SHISA9: variants seen among roughly 807,000 people sequenced by gnomAD.
The protein encoded by SHISA9 is shisa family member 9.
Under a neutral mutation model 38.0 loss-of-function variants are expected in SHISA9, and 13 were observed. The ratio of observed to expected loss-of-function variants is 0.34; its 90% CI spans 0.22 to 0.54. SHISA9 has a LOEUF of 0.54. Ranked by LOEUF, SHISA9 falls within the 20% of genes least tolerant of loss-of-function variation. SHISA9 has a pLI of 0.91. For synonymous variants in SHISA9, 275 were observed against 242.0 expected (o/e 1.14, Z -1.27); for missense variants, 538 against 575.8 (o/e 0.93, Z 0.67).
chr16:13,242,656 A>G (rs902695450), downstream of SHISA9, among the ~76,000 whole-genome samples: 2 of 152,170 alleles, frequency 1.3e-5, no homozygotes, highest in East Asian at 1.9e-4. Context: ...CCTTGAAACT[A>G]TCCTTTCCTG....
the SHISA9 span, among the ~76,000 whole-genome samples, chr16:13,469,381 G>GAAAAGAA: frequency 1.5e-3 from 151 of 100,206 alleles, 1 homozygote; most frequent in South Asian, 3.3e-3. Flanking sequence ...AAGAAAGAAA[G>GAAAAGAA]AAAGAAAGAA....
chr16:13,493,204 C>T, the SHISA9 span, among the ~76,000 whole-genome samples: 24 of 148,054 alleles, frequency 1.6e-4, no homozygotes, highest in Admixed American at 1.0e-3. Context: ...TGAAGTGTTT[C>T]AGAAATGACA....
rs114505608 is a variant in SHISA9, at chr16:13,225,042, C to T, written c.896-9988C>T. Among the ~76,000 whole-genome samples the T allele has an allele frequency of 2.7e-3, 417 of 152,148 alleles. 3 individuals are homozygous for T. The highest frequency in any genetic ancestry group is 9.7e-3 in the African/African-American group (402 of 41,516). ...TGAGGATATATTGAATTAATGTGGG[C>T]CCTAATCCTGTGGCTGATATCCTTA... On this transcript the variant is annotated intron_variant, in intron 4 of 4. Coordinates refer to ENST00000558583, the MANE Select transcript of SHISA9 (RefSeq NM_001145204.3).
chr16:13,079,818 A>G (rs2073626723), intron 2 of SHISA9, among the ~76,000 whole-genome samples: 1 of 151,856 alleles, frequency 6.6e-6, no homozygotes, highest in South Asian at 2.1e-4. Flanking sequence ...CTGGGACAAA[A>G]CTCTTATGTA....
Position 13,210,858 on chromosome 16 carries a change from C to T in SHISA9, c.848-2395C>T, listed in dbSNP as rs182373506. The stretch of plus-strand genomic sequence containing the variant: ...GCTTGACTTGGAATCCTATGTTCTT[C>T]CCATGAAACTATGCTGTCTTCTGCA... On this transcript the variant is annotated intron_variant, in intron 3 of 4. Coordinates refer to ENST00000558583, the MANE Select transcript of SHISA9 (RefSeq NM_001145204.3). Among the ~76,000 whole-genome samples, 198 of 152,310 alleles carry T rather than the reference C, an allele frequency of 1.3e-3. 1 individual carries two copies. The highest frequency in any genetic ancestry group is 4.6e-3 in the African/African-American group (192 of 41,568).
chr16:13,082,833 G>A (rs1295404081), intron 2 of SHISA9, among the ~76,000 whole-genome samples: 1 of 152,180 alleles, frequency 6.6e-6, no homozygotes, highest in East Asian at 1.9e-4. Context: ...ATAGGAATAA[G>A]GAAAAGATGG....
chr16:13,262,440 ACT>A, the SHISA9 span, among the ~76,000 whole-genome samples: 1 of 151,954 alleles, frequency 6.6e-6, no homozygotes, highest in South Asian at 2.1e-4. Flanking sequence ...CTTTCGCTGC[ACT>A]CTGTCTATAT....
intron 2 of SHISA9, among the ~76,000 whole-genome samples, chr16:13,187,328 C>CTTTTCTTTTCT (rs1450024008): frequency 1.1e-3 from 99 of 90,712 alleles, no homozygotes; most frequent in Middle Eastern, 6.3e-3. Flanking sequence ...CTTTTCTTTT[C>CTTTTCTTTTCT]TTTTTTTTTT....
the SHISA9 span, among the ~76,000 whole-genome samples, chr16:13,552,377 C>T: frequency 1.3e-5 from 2 of 151,714 alleles, no homozygotes; most frequent in South Asian, 2.1e-4. Flanking sequence ...GTCTATGTTC[C>T]GTTTGTATTT....
At chr16:13,557,570 C>T in the SHISA9 span, among the ~76,000 whole-genome samples, 2 of 152,064 alleles carry the variant, frequency 1.3e-5, no homozygotes, top group African/African-American at 4.8e-5. Flanking sequence ...GCACTGTTTC[C>T]CTGATGGGAG....
intron 2 of SHISA9, among the ~76,000 whole-genome samples, chr16:12,973,046 G>A (rs927314637): frequency 1.3e-5 from 2 of 152,286 alleles, no homozygotes; most frequent in South Asian, 4.2e-4. Context: ...AACCTGGGAG[G>A]CGGAGGTTGC....
At chr16:13,557,765 C>T in the SHISA9 span, among the ~76,000 whole-genome samples, 6 of 152,118 alleles carry the variant, frequency 3.9e-5, no homozygotes, top group Admixed American at 2.6e-4. Context: ...AGGAGATGAA[C>T]GTGACTGTGC....
At chr16:13,488,903 A>T in the SHISA9 span, among the ~76,000 whole-genome samples, 1 of 152,082 alleles carries the variant, frequency 6.6e-6, no homozygotes, top group Non-Finnish European at 1.5e-5. Flanking sequence ...CTGGGACTAC[A>T]GGCGCCTGCC....
chr16:13,322,003 A>G, the SHISA9 span, among the ~76,000 whole-genome samples: 1 of 152,260 alleles, frequency 6.6e-6, no homozygotes, highest in South Asian at 2.1e-4. Context: ...TAAACGACAC[A>G]ATAAAATTGT....
intron 2 of SHISA9, among the ~76,000 whole-genome samples, chr16:13,156,130 T>A (rs1391261541): frequency 6.6e-6 from 1 of 152,172 alleles, no homozygotes. Context: ...CAGGAAAGTG[T>A]GCCTTCCTGG....
the SHISA9 span, among the ~76,000 whole-genome samples, chr16:13,368,953 A>G: frequency 1.3e-5 from 2 of 151,922 alleles, no homozygotes; most frequent in African/African-American, 4.8e-5. Context: ...TAGTAAGATT[A>G]TTTATATGTG....
Position 13,144,185 on chromosome 16 carries a change from G to A in SHISA9, c.692-59209G>A, listed in dbSNP as rs144457401. 4.6e-3 allele frequency among the ~76,000 whole-genome samples: 671 copies of A among 147,270 alleles called. 8 individuals are homozygous for A. Among genetic ancestry groups the A allele is most frequent in the African/African-American group, 0.016 (638 of 39,742 alleles). ...TTTTTTTTTTTTTTAATGGAGTCTCGCTCTGTCATCAGGCTGGAGTGCAGT... is the reference window on the plus strand; with the variant it reads ...TTTTTTTTTTTTTTAATGGAGTCTCACTCTGTCATCAGGCTGGAGTGCAGT... On this transcript the variant is annotated intron_variant, in intron 2 of 4. Transcript: ENST00000558583.
the SHISA9 span, among the ~76,000 whole-genome samples, chr16:13,271,571 C>T: frequency 6.6e-6 from 1 of 152,124 alleles, no homozygotes; most frequent in East Asian, 1.9e-4. Flanking sequence ...AAACTATTGA[C>T]ACACACGACA....
intron 2 of SHISA9, among the ~76,000 whole-genome samples, chr16:13,088,387 C>G (rs1194731054): frequency 6.6e-6 from 1 of 152,162 alleles, no homozygotes; most frequent in Non-Finnish European, 1.5e-5. Context: ...GGCATTTAAT[C>G]TATAAATTAC....
Sources: gnomAD v4.1 joint callset for allele counts (sites outside exome capture counted in the v4.1 genomes callset) on GRCh38, gnomAD v4.1.1 for gene constraint, MANE v1.5 for transcripts, NCBI Gene and HGNC (gene_info 2026-07-23, HGNC 2026-07-21) for gene names.